The following ARID2 variants were observed in gnomAD, a reference collection of about 807,000 sequenced individuals.
ARID2 encodes AT-rich interaction domain 2, also known as AT-rich interactive domain-containing protein 2.
A neutral mutation model predicts 184.6 loss-of-function variants in ARID2; 32 were observed. The observed-to-expected ratio is 0.17, with a 90% CI of 0.13 to 0.23. The LOEUF (loss-of-function observed/expected upper bound fraction) is 0.23. ARID2 is among the 10% of genes least tolerant of loss of function. ARID2 has a pLI of 1.00. For missense variants in ARID2, 1,696 were observed against 2,197.6 expected, an observed-to-expected ratio of 0.77 and a Z score of 4.56; for synonymous variants, 836 against 772.6, an observed-to-expected ratio of 1.08 and a Z score of -1.36.
chr12:45,855,399 T>G (rs1053070235), intron 15 of ARID2, among the ~76,000 whole-genome samples: 13 of 152,162 alleles, frequency 8.5e-5, no homozygotes, highest in African/African-American at 2.9e-4. Flanking sequence ...TTATAGAAAT[T>G]TAAAACTTTG....
chr12:45,812,033 C>T (rs375573476), intron 4 of ARID2, among the ~76,000 whole-genome samples: 2 of 150,376 alleles, frequency 1.3e-5, no homozygotes, highest in East Asian at 1.9e-4. Context: ...TAGAGGAATC[C>T]ACAGCTTGAA....
intron 3 of ARID2, among the ~76,000 whole-genome samples, chr12:45,739,143 G>GTT (rs200159479): frequency 6.6e-6 from 1 of 151,602 alleles, no homozygotes; most frequent in African/African-American, 2.4e-5. Flanking sequence ...TAATTATTTT[G>GTT]TTTTTTTGCT....
intron 16 of ARID2, among the ~76,000 whole-genome samples, chr12:45,880,633 T>C (rs1236600855): frequency 1.3e-5 from 2 of 152,230 alleles, no homozygotes; most frequent in African/African-American, 4.8e-5. Flanking sequence ...TTTATAATTA[T>C]GAAGATTAAA....
chr12:45,732,008 A>G lies in ARID2; in HGVS notation c.284+694A>G, dbSNP rs148726919. On this transcript the variant is annotated intron_variant, in intron 3 of 20. Coordinates refer to ENST00000334344, the MANE Select transcript of ARID2 (RefSeq NM_152641.4). ...TTCTTCTTTGACTGCTTATTCGGCA[A>G]AGTTTAATTTCTTATTCAGTTGGTA... Among the ~76,000 whole-genome samples the G allele has an allele frequency of 2.6e-5, 4 of 151,692 alleles. No individual in the cohort carries two copies. The East Asian group carries it at 7.7e-4, about 29-fold the overall frequency.
At position 45,850,659 on chromosome 12, in the gene ARID2, G is replaced by A. The variant is rs2138163933; in HGVS notation, c.2536G>A (p.Val846Ile). Residue 846 changes from valine to isoleucine, a missense_variant, in exon 15 of 21, where the codon GTT becomes ATT. Val to Ile is a conservative substitution (Grantham distance 29). This residue lies in a region of ARID2 where 713 missense variants were observed against 824.4 expected (regional missense o/e 0.86). Transcript: ENST00000334344. ...TSAGSQSQDT[V>I]IIAPPQYVTT... ...AGCTGGTAGCCAGTCACAAGATACT[G>A]TTATCATAGCACCCCCACAGTATGT... 1 of 1,614,124 alleles carries A rather than the reference G, an allele frequency of 6.2e-7. No homozygotes were observed. Among genetic ancestry groups the A allele is most frequent in the Non-Finnish European group, 8.5e-7 (1 of 1,180,004 alleles).
At chr12:45,786,642 T>C (rs535941059) in intron 3 of ARID2, among the ~76,000 whole-genome samples, 7 of 152,212 alleles carry the variant, frequency 4.6e-5, no homozygotes, top group Non-Finnish European at 1.0e-4. Flanking sequence ...ACTGGATATA[T>C]GTCCAAAGGG....
intron 20 of ARID2, among the ~76,000 whole-genome samples, chr12:45,901,072 C>G (rs983891440): frequency 2.7e-5 from 4 of 147,814 alleles, no homozygotes; most frequent in African/African-American, 1.0e-4. Flanking sequence ...GTAATGGGAA[C>G]TTTTCTGGTA....
At chr12:45,842,340 T>C (rs1592112789) in intron 11 of ARID2, 1 of 150,348 alleles carries the variant, frequency 6.7e-6, no homozygotes, top group African/African-American at 2.4e-5. Flanking sequence ...TACACACATG[T>C]ATATGTATAT....
In ARID2 at chr12:45,821,504, A is replaced by G; in HGVS notation, c.705+17A>G. The G allele has an allele frequency of 1.4e-6, 2 of 1,458,050 alleles. No individual in the cohort carries two copies. Among genetic ancestry groups the G allele is most frequent in the Non-Finnish European group, 1.8e-6 (2 of 1,098,290 alleles). The allele number at this position is 1,458,050 out of a possible 1,614,324, so 90.3% of individuals were successfully genotyped here. A position where few individuals can be genotyped will look rare whatever the true frequency, so the allele number is the denominator to read the frequency against. ...TTCGTTAAGGTAAATCATTTTAATT[A>G]AAATGTTGATTCATTGAGTTACATG... On this transcript the variant is annotated intron_variant, in intron 6 of 20. Transcript: ENST00000334344.
At chr12:45,857,518 G>T (rs1943671631) in intron 15 of ARID2, among the ~76,000 whole-genome samples, 1 of 152,118 alleles carries the variant, frequency 6.6e-6, no homozygotes, top group Non-Finnish European at 1.5e-5. Flanking sequence ...GTGTTGGCAT[G>T]TATTGATGAT....
intron 3 of ARID2, among the ~76,000 whole-genome samples, chr12:45,805,921 C>T (rs952903742): frequency 2.6e-5 from 4 of 152,282 alleles, no homozygotes; most frequent in Middle Eastern, 3.4e-3. Context: ...TCCCCTACCA[C>T]TTTCCCCCTT....
chr12:45,773,727 A>C (rs914157162), intron 3 of ARID2, among the ~76,000 whole-genome samples: 2 of 152,134 alleles, frequency 1.3e-5, no homozygotes, highest in African/African-American at 2.4e-5. Flanking sequence ...AAATAAAGAG[A>C]TTGAGTTAAT....
chr12:45,904,308 G>T, intron 20 of ARID2: 1 of 715,078 alleles, frequency 1.4e-6, no homozygotes. Context: ...TTCCTCTCCA[G>T]CTGTTTTCTG....
At chr12:45,808,736 CGTGT>C (rs138992855) in intron 3 of ARID2, among the ~76,000 whole-genome samples, 3,273 of 147,538 alleles carry the variant, frequency 0.022, 62 homozygotes, top group African/African-American at 0.052. Flanking sequence ...TGTTTGCGTG[CGTGT>C]GTGTGTGTGT....
chr12:45,902,880 C>G (rs1383190755), intron 20 of ARID2, among the ~76,000 whole-genome samples: 1 of 152,080 alleles, frequency 6.6e-6, no homozygotes, highest in East Asian at 1.9e-4. Context: ...AAATTTCATA[C>G]TTTATTTTAA....
chr12:45,792,135 C>G (rs1942304069), intron 3 of ARID2, among the ~76,000 whole-genome samples: 1 of 152,042 alleles, frequency 6.6e-6, no homozygotes, highest in South Asian at 2.1e-4. Context: ...GATGGATGCT[C>G]ATAATTAATT....
chr12:45,838,107 A>C (rs1187228115), intron 10 of ARID2, among the ~76,000 whole-genome samples: 1 of 152,292 alleles, frequency 6.6e-6, no homozygotes, highest in East Asian at 1.9e-4. Flanking sequence ...TGCTATATCT[A>C]ACTTATCTGA....
In ARID2 at chr12:45,825,725, A is replaced by G. The variant is rs943548501; in HGVS notation, c.705+4238A>G. 9.2e-5 allele frequency among the ~76,000 whole-genome samples: 14 copies of G among 152,100 alleles called. No individual in the cohort carries two copies. The South Asian group carries it at 1.2e-3, about 13-fold the overall frequency. ...AAAGAAAAAAAATAATTAGTTGGGC[A>G]TCGTGGTGCATGATTGTAGTTCCAG... is the stretch of plus-strand genomic sequence containing the variant. On this transcript the variant is annotated intron_variant, in intron 6 of 20. Transcript: ENST00000334344.
chr12:45,809,606 G>A (rs1285973433), intron 3 of ARID2, among the ~76,000 whole-genome samples: 1 of 152,154 alleles, frequency 6.6e-6, no homozygotes, highest in Non-Finnish European at 1.5e-5. Context: ...CATTTTCAAT[G>A]CTCAAGGATT....
Sources: gnomAD v4.1 joint callset for allele counts (sites outside exome capture counted in the v4.1 genomes callset) on GRCh38, gnomAD v4.1.1 for gene constraint, gnomAD v4.1.1 regional missense constraint, MANE v1.5 for transcripts, NCBI Gene and HGNC (gene_info 2026-07-23, HGNC 2026-07-21) for gene names.